Variants in RBFOX3 observed in about 807,000 individuals in gnomAD.
RBFOX3 encodes RNA binding fox-1 homolog 3.
Under a neutral mutation model 48.7 loss-of-function variants are expected in RBFOX3, and 17 were observed. The ratio of observed to expected loss-of-function variants is 0.35; its 90% confidence interval spans 0.24 to 0.52. The LOEUF is 0.52. RBFOX3 is among the 20% of genes least tolerant of loss of function. The pLI is 0.94. For missense variants in RBFOX3, 382 were observed against 497.5 expected, an observed-to-expected ratio of 0.77 and a Z score of 2.21; for synonymous variants, 212 against 209.5, an observed-to-expected ratio of 1.01 and a Z score of -0.10.
intron 2 of RBFOX3, among the ~76,000 whole-genome samples, chr17:79,384,775 G>C (rs1381284767): frequency 6.6e-6 from 1 of 152,260 alleles, no homozygotes; most frequent in Non-Finnish European, 1.5e-5. Context: ...GCTGCTGGCA[G>C]GCTGGCTCCC....
intron 4 of RBFOX3, among the ~76,000 whole-genome samples, chr17:79,168,907 T>C (rs1198426069): frequency 1.3e-5 from 2 of 152,188 alleles, no homozygotes; most frequent in Non-Finnish European, 2.9e-5. Flanking sequence ...GAGAGCCCAC[T>C]TGGTACTCAC....
intron 9 of RBFOX3, among the ~76,000 whole-genome samples, chr17:79,101,026 C>G (rs890353488): frequency 6.6e-6 from 1 of 152,152 alleles, no homozygotes; most frequent in Non-Finnish European, 1.5e-5. Flanking sequence ...CACCTCCCCC[C>G]GGGCCCTTCC....
intron 3 of RBFOX3, among the ~76,000 whole-genome samples, chr17:79,277,508 C>G (rs964126529): frequency 2.6e-5 from 4 of 152,182 alleles, no homozygotes; most frequent in African/African-American, 9.7e-5. Context: ...CTCAGTTCCC[C>G]GAAACACCAT....
At chr17:79,626,871 G>A in the RBFOX3 span, among the ~76,000 whole-genome samples, 1 of 152,222 alleles carries the variant, frequency 6.6e-6, no homozygotes, top group Non-Finnish European at 1.5e-5. Context: ...TCACTTCTGA[G>A]AAAATTAACT....
chr17:79,590,261 T>C (rs1184793441), intron 1 of RBFOX3, among the ~76,000 whole-genome samples: 3 of 152,024 alleles, frequency 2.0e-5, no homozygotes, highest in African/African-American at 7.3e-5. Context: ...AGACAAGCAA[T>C]TATTTGGAAA....
intron 1 of RBFOX3, among the ~76,000 whole-genome samples, chr17:79,607,070 G>A (rs1357799787): frequency 6.6e-6 from 1 of 152,142 alleles, no homozygotes; most frequent in Non-Finnish European, 1.5e-5. Context: ...ATGAAAGAGC[G>A]TGGAGAGATG....
chr17:79,412,709 A>T (rs2064644291), intron 2 of RBFOX3, among the ~76,000 whole-genome samples: 1 of 151,336 alleles, frequency 6.6e-6, no homozygotes, highest in African/African-American at 2.4e-5. Context: ...ACATATGTGT[A>T]TGTGTGAGGG....
chr17:79,464,028 G>A (rs565764903), intron 2 of RBFOX3, among the ~76,000 whole-genome samples: 1 of 152,226 alleles, frequency 6.6e-6, no homozygotes, highest in Non-Finnish European at 1.5e-5. Flanking sequence ...TCCTAGGGCT[G>A]CTCTGCAAAA....
chr17:79,616,538 G>GAA, the RBFOX3 span, among the ~76,000 whole-genome samples: 4 of 102,550 alleles, frequency 3.9e-5, no homozygotes, highest in East Asian at 2.7e-4. Context: ...TCCATCTCAA[G>GAA]AAAAAAAAAA....
intron 1 of RBFOX3, among the ~76,000 whole-genome samples, chr17:79,548,474 C>T (rs990668534): frequency 3.3e-5 from 5 of 152,260 alleles, no homozygotes; most frequent in Admixed American, 2.6e-4. Flanking sequence ...GCTGCCACCA[C>T]CCCCAAAGCC....
intron 1 of RBFOX3, among the ~76,000 whole-genome samples, chr17:79,505,560 G>C (rs814738): frequency 0.94 from 143,623 of 152,224 alleles, 67,959 homozygotes; most frequent in Non-Finnish European, 0.98. Flanking sequence ...AGATACTGAT[G>C]GCGGAGTCTG....
intron 2 of RBFOX3, among the ~76,000 whole-genome samples, chr17:79,309,620 C>T (rs938944849): frequency 2.0e-5 from 3 of 152,186 alleles, no homozygotes; most frequent in Non-Finnish European, 4.4e-5. Context: ...CCTGTCGCAT[C>T]ATAATGTGGC....
At chr17:79,376,403 C>T (rs2059228416) in intron 2 of RBFOX3, among the ~76,000 whole-genome samples, 1 of 152,094 alleles carries the variant, frequency 6.6e-6, no homozygotes, top group Admixed American at 6.5e-5. Flanking sequence ...AGGGGCCGGC[C>T]AGGCACCCGC....
intron 1 of RBFOX3, among the ~76,000 whole-genome samples, chr17:79,536,733 GGT>G (rs1243207809): frequency 1.3e-5 from 2 of 152,136 alleles, no homozygotes; most frequent in Non-Finnish European, 2.9e-5. Context: ...CTGTTTGGCA[GGT>G]GTGTGTGTGT....
At chr17:79,161,842 C>T (rs1300887005) in intron 4 of RBFOX3, among the ~76,000 whole-genome samples, 1 of 152,218 alleles carries the variant, frequency 6.6e-6, no homozygotes, top group African/African-American at 2.4e-5. Flanking sequence ...ATCCGCCTGC[C>T]TCAGCCTCCC....
At chr17:79,244,667 C>T (rs2148092945) in intron 3 of RBFOX3, among the ~76,000 whole-genome samples, 1 of 152,248 alleles carries the variant, frequency 6.6e-6, no homozygotes, top group South Asian at 2.1e-4. Context: ...CCTGACCACA[C>T]AAACACTGTC....
At chr17:79,147,502 T>G (rs559769141) in intron 4 of RBFOX3, among the ~76,000 whole-genome samples, 41 of 152,282 alleles carry the variant, frequency 2.7e-4, no homozygotes, top group African/African-American at 9.9e-4. Flanking sequence ...GGGAGTTCCC[T>G]GCTGCCCTGA....
At chr17:79,389,169 C>T (rs2060996350) in intron 2 of RBFOX3, among the ~76,000 whole-genome samples, 1 of 152,198 alleles carries the variant, frequency 6.6e-6, no homozygotes, top group Non-Finnish European at 1.5e-5. Flanking sequence ...GGTCCCCTTC[C>T]TCTCTCCCTC....
the RBFOX3 span, among the ~76,000 whole-genome samples, chr17:79,637,530 T>A: frequency 6.6e-6 from 1 of 151,590 alleles, no homozygotes; most frequent in African/African-American, 2.4e-5. Flanking sequence ...CCCGTTTCTA[T>A]TAAAAATACA....
Sources: gnomAD v4.1 joint callset for allele counts (sites outside exome capture counted in the v4.1 genomes callset) on GRCh38, gnomAD v4.1.1 for gene constraint, MANE v1.5 for transcripts, NCBI Gene and HGNC (gene_info 2026-07-23, HGNC 2026-07-21) for gene names.